The following CCSER1 variants were observed in gnomAD, a reference collection of about 807,000 sequenced individuals.
CCSER1 encodes the protein coiled-coil serine rich protein 1, also known as serine-rich coiled-coil domain-containing protein 1.
CCSER1 carries 41 observed loss-of-function variants against 82.0 expected under a neutral mutation model. The ratio of observed to expected loss-of-function variants is 0.50; its 90% CI spans 0.39 to 0.65. CCSER1 has a LOEUF of 0.65. Among genes scored for constraint, CCSER1 ranks in the 30% least tolerant of loss-of-function variants. The pLI, the probability that CCSER1 is intolerant of heterozygous loss-of-function variation, is 0.00. For missense variants in CCSER1, 1,119 were observed against 1,064.2 expected (o/e 1.05, Z -0.72); for synonymous variants, 414 against 383.9 (o/e 1.08, Z -0.92).
At chr4:90,331,158 A>G (rs1185176635) in intron 3 of CCSER1, among the ~76,000 whole-genome samples, 3 of 152,084 alleles carry the variant, frequency 2.0e-5, no homozygotes, top group African/African-American at 7.2e-5. Flanking sequence ...TTTTACTGAA[A>G]CAATAGATAA....
chr4:91,054,828 A>G (rs1361736087), intron 9 of CCSER1, among the ~76,000 whole-genome samples: 1 of 152,160 alleles, frequency 6.6e-6, no homozygotes, highest in Non-Finnish European at 1.5e-5. Context: ...CCCTTTGAAC[A>G]GCATGTTGGT....
At chr4:91,119,204 G>A (rs1726882963) in intron 10 of CCSER1, among the ~76,000 whole-genome samples, 2 of 152,086 alleles carry the variant, frequency 1.3e-5, no homozygotes, top group African/African-American at 2.4e-5. Flanking sequence ...AACTCCACTG[G>A]TGAGCAAAGG....
At chr4:91,563,759 T>C (rs778821388) in intron 10 of CCSER1, among the ~76,000 whole-genome samples, 9 of 151,786 alleles carry the variant, frequency 5.9e-5, no homozygotes, top group Non-Finnish European at 1.0e-4. Context: ...TAAAATTGTC[T>C]CTTTCGGCAA....
chr4:90,485,931 A>G (rs1766966366), intron 5 of CCSER1, among the ~76,000 whole-genome samples: 1 of 152,066 alleles, frequency 6.6e-6, no homozygotes, highest in South Asian at 2.1e-4. Context: ...ATACTGGCTA[A>G]CTTCTATTCA....
At chr4:90,902,759 A>G (rs1377917) in intron 8 of CCSER1, among the ~76,000 whole-genome samples, 33,588 of 152,010 alleles carry the variant, frequency 0.22, 4,621 homozygotes, top group East Asian at 0.38. Context: ...GATCCAGTCC[A>G]GTAGATGGTG....
intron 9 of CCSER1, among the ~76,000 whole-genome samples, chr4:90,926,702 A>G (rs1000239430): frequency 4.0e-4 from 61 of 151,908 alleles, no homozygotes; most frequent in African/African-American, 1.4e-3. Context: ...GCCTATAAAC[A>G]CCATAGTTTT....
At chr4:90,848,931 G>C (rs1026096135) in intron 8 of CCSER1, among the ~76,000 whole-genome samples, 1 of 152,200 alleles carries the variant, frequency 6.6e-6, no homozygotes, top group Admixed American at 6.5e-5. Context: ...GGTGCCTTCT[G>C]CCATGTTTGT....
intron 5 of CCSER1, among the ~76,000 whole-genome samples, chr4:90,529,104 C>A (rs755111277): frequency 2.0e-5 from 3 of 152,082 alleles, no homozygotes; most frequent in Non-Finnish European, 2.9e-5. Context: ...GATGAGAAAA[C>A]AGAAATAATA....
intron 3 of CCSER1, among the ~76,000 whole-genome samples, chr4:90,344,265 C>T (rs1389539166): frequency 6.6e-6 from 1 of 152,180 alleles, no homozygotes; most frequent in South Asian, 2.1e-4. Context: ...GTATGTGTAC[C>T]ACATTCATTT....
In CCSER1 at chr4:90,183,860, T is replaced by C. The variant is rs140041119; in HGVS notation, c.-42+56029T>C. Among the ~76,000 whole-genome samples, 167 of 152,278 alleles carry C rather than the reference T, an allele frequency of 1.1e-3. 2 individuals are homozygous for C. The highest frequency in any genetic ancestry group is 0.01 in the East Asian group (52 of 5,178). On this transcript the variant is annotated intron_variant, in intron 1 of 10. Coordinates refer to ENST00000509176, the MANE Select transcript of CCSER1 (RefSeq NM_001145065.2). ...CTTTTTAGAGTAATTATTTGTTAAT[T>C]TGAGAAGTTTCATTTAGATTTTATC...
At chr4:91,303,806 A>AAAC (rs763391569) in intron 10 of CCSER1, among the ~76,000 whole-genome samples, 2 of 151,950 alleles carry the variant, frequency 1.3e-5, no homozygotes, top group African/African-American at 2.4e-5. Flanking sequence ...AAAAACAAAC[A>AAAC]AACAACAACA....
intron 10 of CCSER1, among the ~76,000 whole-genome samples, chr4:91,231,315 T>C (rs548584540): frequency 7.2e-5 from 11 of 152,020 alleles, no homozygotes; most frequent in African/African-American, 2.4e-4. Flanking sequence ...TGACTCAAGG[T>C]CATGAGATAT....
Position 90,234,423 on chromosome 4 carries a change from G to A in CCSER1, c.-41-73821G>A, listed in dbSNP as rs181854717. ...GTAGAGATGAGGTTTCACTACGTTG[G>A]CCAGGCTGGTCTTGGCCTCCTGACC... On this transcript the variant is annotated intron_variant, in intron 1 of 10. Transcript: ENST00000509176. 3.5e-4 allele frequency among the ~76,000 whole-genome samples: 53 copies of A among 152,142 alleles called. 1 individual carries two copies. The highest frequency in any genetic ancestry group is 1.3e-3 in the African/African-American group (52 of 41,504).
chr4:91,404,802 G>A (rs1003157562), intron 10 of CCSER1, among the ~76,000 whole-genome samples: 2 of 152,154 alleles, frequency 1.3e-5, no homozygotes, highest in Admixed American at 1.3e-4. Flanking sequence ...GCTGAGGAGT[G>A]CTTTACTTCC....
intron 8 of CCSER1, among the ~76,000 whole-genome samples, chr4:90,831,297 A>T (rs1761081270): frequency 6.6e-6 from 1 of 152,286 alleles, no homozygotes; most frequent in East Asian, 1.9e-4. Context: ...GTGAAGAATA[A>T]TAGGTACTGT....
intron 3 of CCSER1, among the ~76,000 whole-genome samples, chr4:90,319,496 A>G (rs1323633549): frequency 6.6e-6 from 1 of 152,058 alleles, no homozygotes; most frequent in Non-Finnish European, 1.5e-5. Context: ...CTACAAATAC[A>G]AAAAATTAGC....
chr4:90,669,624 C>T (rs1439321025), intron 6 of CCSER1, among the ~76,000 whole-genome samples: 1 of 152,002 alleles, frequency 6.6e-6, no homozygotes, highest in Non-Finnish European at 1.5e-5. Flanking sequence ...ATAAAAGCAA[C>T]TAACAATTGA....
At chr4:90,791,832 A>ACAC (rs1554014618) in intron 7 of CCSER1, among the ~76,000 whole-genome samples, 1 of 130,622 alleles carries the variant, frequency 7.7e-6, no homozygotes, top group East Asian at 2.4e-4. Flanking sequence ...AAAAAAAAAA[A>ACAC]ACACACACAC....
chr4:90,503,588 G>A (rs530554182), intron 5 of CCSER1, among the ~76,000 whole-genome samples: 74 of 152,106 alleles, frequency 4.9e-4, no homozygotes, highest in African/African-American at 1.6e-3. Flanking sequence ...ACAGGCCCCA[G>A]TGTGTGATGT....
Sources: gnomAD v4.1 joint callset for allele counts (sites outside exome capture counted in the v4.1 genomes callset) on GRCh38, gnomAD v4.1.1 for gene constraint, MANE v1.5 for transcripts, NCBI Gene and HGNC (gene_info 2026-07-23, HGNC 2026-07-21) for gene names.